Variants in ATP2B3 observed in about 807,000 individuals in gnomAD.
ATP2B3 encodes the protein ATPase plasma membrane Ca2+ transporting 3.
A neutral mutation model predicts 70.8 loss-of-function variants in ATP2B3; 12 were observed. That is an observed-to-expected ratio of 0.17 (90% confidence interval 0.11 to 0.27). ATP2B3 has a LOEUF of 0.27. ATP2B3 is among the 10% of genes least tolerant of loss of function. ATP2B3 has a pLI of 1.00. For missense variants in ATP2B3, 858 were observed against 1,118.5 expected, an observed-to-expected ratio of 0.77 and a Z score of 3.32; for synonymous variants, 460 against 497.8, an observed-to-expected ratio of 0.92 and a Z score of 1.01.
At position 153,542,396 on chromosome X, in the gene ATP2B3, C is replaced by T; in HGVS notation, c.738C>T (p.Gly246=). The T allele has an allele frequency of 2.5e-6, 3 of 1,211,690 alleles. No individual in the cohort carries two copies. Among genetic ancestry groups the T allele is most frequent in the Non-Finnish European group, 3.3e-6 (3 of 895,524 alleles). The change falls in exon 6 of 22, where the codon GGC becomes GGT. Residue 246 remains glycine, a synonymous_variant. Coordinates refer to ENST00000263519, the MANE Select transcript of ATP2B3 (RefSeq NM_001001344.3). ...DLKIDESSLT[G]ESDHVRKSAD... is the part of the protein sequence containing the mutation. ...AGATCGACGAGAGCTCCCTGACGGG[C>T]GAGTCTGACCACGTGCGCAAGTCAG...
At chrX:153,534,564 G>A (rs1382381796) in intron 2 of ATP2B3, among the ~76,000 whole-genome samples, 1 of 112,540 alleles carries the variant, frequency 8.9e-6, no homozygotes, top group African/African-American at 3.2e-5. Context: ...AGAGAGGGAC[G>A]GGGTTAGTTG....
Position 153,558,265 on chromosome X carries a change from G to T in ATP2B3, c.2587G>T (p.Ala863Ser). ...GTTTCAACTGACGGTCAATGTGGTG[G>T]CTGTGATCGTGGCCTTCACAGGTGC... is the stretch of plus-strand genomic sequence containing the variant. ...LQFQLTVNVV[A>S]VIVAFTGACI... The change falls in exon 17 of 22, where the codon GCT (alanine) becomes TCT (serine). Residue 863 changes from alanine to serine, a missense_variant. By Grantham distance (99) the Ala-to-Ser change is moderately conservative. Transcript: ENST00000263519. 2 of 1,211,898 alleles carry T rather than the reference G, an allele frequency of 1.7e-6. No individual in the cohort carries two copies. The highest frequency in any genetic ancestry group is 2.2e-6 in the Non-Finnish European group (2 of 895,385).
chrX:153,559,582 C>T (rs997863655), intron 17 of ATP2B3, 147 bp from the exon 18 acceptor site: 3 of 500,407 alleles, frequency 6.0e-6, no homozygotes, highest in Admixed American at 3.4e-5. Flanking sequence ...AGCGTAAAGG[C>T]GATGTAGGGA....
At chrX:153,555,904 G>T (rs1358246650) in intron 13 of ATP2B3, 145 bp from the exon 14 acceptor site, 3 of 644,713 alleles carry the variant, frequency 4.7e-6, no homozygotes, top group Non-Finnish European at 7.4e-6. Flanking sequence ...TAACACAAGT[G>T]TTCTGAGCAC....
chrX:153,576,731 A>T (rs1457608492), intron 21 of ATP2B3, among the ~76,000 whole-genome samples: 1 of 111,515 alleles, frequency 9.0e-6, no homozygotes, highest in Non-Finnish European at 1.9e-5. Context: ...GCAGAGCAGG[A>T]GGCGGTGCAG....
At chrX:153,560,596 C>A in intron 18 of ATP2B3, 80 bp from the exon 19 acceptor site, 1 of 1,058,653 alleles carries the variant, frequency 9.4e-7, no homozygotes, top group South Asian at 2.0e-5. Flanking sequence ...ATCTCGGGAG[C>A]TACACACCGA....
chrX:153,558,331 G>T (rs1231494201), intron 17 of ATP2B3, 28 bp downstream of exon 17: 1 of 1,171,170 alleles, frequency 8.5e-7, no homozygotes, highest in East Asian at 3.1e-5. Flanking sequence ...CCATGCCCCA[G>T]CTAGGACACC....
rs1557016044 is a variant in ATP2B3 at position 153,560,834 on chromosome X, A to G, written c.2998A>G (p.Ile1000Val). ...CGGCGAGAGGAACGTGTTCGACGGCATCTTCAGCAACCCCATCTTCTGCAC... is the reference window on the plus strand; with the variant it reads ...CGGCGAGAGGAACGTGTTCGACGGCGTCTTCAGCAACCCCATCTTCTGCAC... ...IHGERNVFDG[I>V]FSNPIFCTIV... is the part of the protein sequence containing the mutation. Residue 1000 changes from isoleucine (I) to valine (V), a missense_variant, in exon 19 of 22, where the codon ATC becomes GTC. Coordinates refer to ENST00000263519, the MANE Select transcript of ATP2B3 (RefSeq NM_001001344.3). 2.2e-5 allele frequency: 27 copies of G among 1,212,132 alleles called. No individual in the cohort carries two copies. The East Asian group carries it at 5.3e-4, about 24-fold the overall frequency.
rs368240655 is a variant in ATP2B3, at chrX:153,523,747, G to C, written c.-127+5196G>C. On this transcript the variant is annotated intron_variant, in intron 2 of 21. Transcript: ENST00000263519. ...GTCTCGCTCTGTCACCCAGGCTGGAGTGCAGTGGCGCGATCTCAGCTCACT... is the reference window on the plus strand; with the variant it reads ...GTCTCGCTCTGTCACCCAGGCTGGACTGCAGTGGCGCGATCTCAGCTCACT... 6.2e-4 allele frequency among the ~76,000 whole-genome samples: 54 copies of C among 86,845 alleles called. No homozygotes were observed. In the East Asian group the frequency reaches 0.017, roughly 28 times the overall value. 75.4% of individuals were successfully genotyped at this position (86,845 alleles called of 115,157 possible).
chrX:153,538,397 A>G (rs1255542499), intron 3 of ATP2B3, among the ~76,000 whole-genome samples: 1 of 112,835 alleles, frequency 8.9e-6, no homozygotes, highest in Non-Finnish European at 1.9e-5. Flanking sequence ...TTCTGGCGGT[A>G]CACTCATCAA....
At chrX:153,543,677 G>A (rs782226383) in intron 7 of ATP2B3, among the ~76,000 whole-genome samples, 1 of 113,039 alleles carries the variant, frequency 8.8e-6, no homozygotes, top group East Asian at 2.8e-4. Flanking sequence ...CCCATTCCTC[G>A]TCCTGTGGCT....
At chrX:153,526,742 G>C (rs1204950028) in intron 2 of ATP2B3, among the ~76,000 whole-genome samples, 1 of 111,580 alleles carries the variant, frequency 9.0e-6, no homozygotes, top group Non-Finnish European at 1.9e-5. Flanking sequence ...GGATACTTCG[G>C]TGTGCTCGTT....
intron 2 of ATP2B3, among the ~76,000 whole-genome samples, chrX:153,529,854 A>G (rs2090089632): frequency 8.9e-6 from 1 of 111,957 alleles, no homozygotes; most frequent in Non-Finnish European, 1.9e-5. Flanking sequence ...ACTGAGTCCA[A>G]CGTCCTCAAG....
intron 2 of ATP2B3, among the ~76,000 whole-genome samples, chrX:153,521,421 C>G (rs782377702): frequency 8.0e-5 from 9 of 112,618 alleles, no homozygotes; most frequent in Non-Finnish European, 1.5e-4. Flanking sequence ...GGAGACAAGT[C>G]CAAGGTCACA....
chrX:153,529,557 G>A (rs142905855), intron 2 of ATP2B3, among the ~76,000 whole-genome samples: 226 of 112,140 alleles, frequency 2.0e-3, no homozygotes, highest in African/African-American at 6.9e-3. Flanking sequence ...TTCTATTGTG[G>A]TGGCATAGAC....
chrX:153,549,835 A>G, intron 11 of ATP2B3, 96 bp downstream of exon 11: 1 of 1,085,323 alleles, frequency 9.2e-7, no homozygotes, highest in Non-Finnish European at 1.2e-6. Flanking sequence ...GGTGCTCATT[A>G]GGCCCCCCCT....
chrX:153,537,910 C>T (rs1300166666), intron 3 of ATP2B3, among the ~76,000 whole-genome samples: 2 of 112,805 alleles, frequency 1.8e-5, no homozygotes, highest in African/African-American at 3.2e-5. Context: ...GGAGCTCTTG[C>T]GTGCCTGTGG....
intron 2 of ATP2B3, among the ~76,000 whole-genome samples, chrX:153,523,059 A>G (rs1300090367): frequency 8.9e-6 from 1 of 112,352 alleles, no homozygotes; most frequent in Non-Finnish European, 1.9e-5. Context: ...CATTGCTGTC[A>G]TTATACCATG....
In ATP2B3 at chrX:153,562,231, G is replaced by A. The variant is rs782310004; in HGVS notation, c.3148G>A (p.Val1050Ile). Residue 1050 changes from valine (V) to isoleucine (I), a missense_variant, in exon 20 of 22, where the codon GTC becomes ATC. Val to Ile is a conservative substitution (Grantham distance 29). Around this residue, in one of 5 missense-constraint regions of ATP2B3, gnomAD observed 265 missense variants for 305.3 expected, o/e 0.87. Coordinates refer to ENST00000263519, the MANE Select transcript of ATP2B3 (RefSeq NM_001001344.3). ...CCTGTTTGTTGGTGTTGGGGAGCTG[G>A]TCTGGGGACAGGTGAGTGACAGCCC... is the stretch of plus-strand genomic sequence containing the variant. The part of the protein sequence containing the change: ...WCLFVGVGEL[V>I]WGQVIATIPT... The A allele has an allele frequency of 1.9e-5, 23 of 1,208,223 alleles. No individual in the cohort carries two copies. The South Asian group carries it at 2.6e-4, about 14-fold the overall frequency.
Sources: gnomAD v4.1 joint callset for allele counts (sites outside exome capture counted in the v4.1 genomes callset) on GRCh38, gnomAD v4.1.1 for gene constraint, gnomAD v4.1.1 regional missense constraint, MANE v1.5 for transcripts, NCBI Gene and HGNC (gene_info 2026-07-23, HGNC 2026-07-21) for gene names.